The following DGKI variants were observed in gnomAD, a reference collection of about 807,000 sequenced individuals.
DGKI encodes DAG kinase iota.
DGKI carries 55 observed loss-of-function variants against 147.5 expected under a neutral mutation model. That is an observed-to-expected ratio of 0.37 (90% confidence interval 0.30 to 0.47). The LOEUF (loss-of-function observed/expected upper bound fraction) is 0.47, where lower values mean the gene tolerates loss of function less well. Ranked by LOEUF, DGKI falls within the 20% of genes least tolerant of loss-of-function variation. The probability of loss-of-function intolerance (pLI) is 1.00; values close to 1 mark genes in which losing one functional copy is unlikely to be tolerated. For synonymous variants in DGKI, 469 were observed against 477.1 expected (o/e 0.98, Z 0.22); for missense variants, 1,007 against 1,323.8 (o/e 0.76, Z 3.71).
intron 3 of DGKI, among the ~76,000 whole-genome samples, chr7:137,665,140 C>A (rs923844355): frequency 1.3e-5 from 2 of 152,100 alleles, no homozygotes; most frequent in Non-Finnish European, 2.9e-5. Flanking sequence ...TGTTGCAGGT[C>A]GTGGTTAAGA....
At position 137,537,476 on chromosome 7, in the gene DGKI, G is replaced by A. The variant is rs150357073; in HGVS notation, c.2147+14893C>T. Among the ~76,000 whole-genome samples, 71 of 151,888 alleles carry A rather than the reference G, an allele frequency of 4.7e-4. No homozygotes were observed. In the East Asian group the frequency reaches 7.4e-3, roughly 16 times the overall value. On this transcript the variant is annotated intron_variant, in intron 20 of 32. Transcript: ENST00000614521. ...AATACAGAAATAAAAAAAAATTATC[G>A]ATAATCCTACAATTCAGAGATAATC...
At chr7:137,673,218 G>A (rs776427341) in intron 3 of DGKI, among the ~76,000 whole-genome samples, 42 of 152,136 alleles carry the variant, frequency 2.8e-4, no homozygotes, top group Non-Finnish European at 7.3e-5. Flanking sequence ...GAAGTCCTGA[G>A]GCGTCAGGAC....
rs863082 is a variant in DGKI at position 137,571,250 on chromosome 7, A to T, written c.1872T>A (p.Gly624=). 0.09 allele frequency: 145,298 copies of T among 1,612,354 alleles called. 12,589 individuals are homozygous for T. Among genetic ancestry groups the T allele is most frequent in the African/African-American group, 0.41 (30,307 of 74,810 alleles). The change falls in exon 19 of 33, where the codon GGT becomes GGA. Residue 624 remains glycine, a synonymous_variant. Coordinates refer to ENST00000614521, the MANE Select transcript of DGKI (RefSeq NM_001321708.2). ...GCTGAGGTTCGAAATCATGGTGATC[A>T]CCTGGGTTTCCCCAGGGCATTGTGC... ...CAGTMPWGNP[G]DHHDFEPQRH...
intron 20 of DGKI, among the ~76,000 whole-genome samples, chr7:137,546,264 G>A (rs951646837): frequency 7.9e-5 from 12 of 152,064 alleles, no homozygotes; most frequent in African/African-American, 2.4e-4. Context: ...GGGTGTAGGG[G>A]GATGACCATG....
chr7:137,773,838 A>C (rs1796283574), intron 1 of DGKI, among the ~76,000 whole-genome samples: 1 of 152,198 alleles, frequency 6.6e-6, no homozygotes, highest in African/African-American at 2.4e-5. Context: ...TTTATGGATG[A>C]GGAAACTGAG....
At chr7:137,427,237 T>C (rs1350716803) in intron 28 of DGKI, among the ~76,000 whole-genome samples, 1 of 152,102 alleles carries the variant, frequency 6.6e-6, no homozygotes, top group African/African-American at 2.4e-5. Context: ...GAACTCAGGA[T>C]TAAGAAACTC....
At chr7:137,669,488 A>G (rs2116339940) in intron 3 of DGKI, among the ~76,000 whole-genome samples, 1 of 152,360 alleles carries the variant, frequency 6.6e-6, no homozygotes, top group South Asian at 2.1e-4. Flanking sequence ...GGTAACATGT[A>G]AGCCTTATGC....
intron 23 of DGKI, among the ~76,000 whole-genome samples, chr7:137,475,880 C>T (rs1212271877): frequency 6.6e-6 from 1 of 152,032 alleles, no homozygotes; most frequent in African/African-American, 2.4e-5. Flanking sequence ...TTTGAGCCAG[C>T]TGCCAAAAGA....
rs566883888 is a variant in DGKI, at chr7:137,515,614, TACTTG to T, written c.2248+6247_2248+6251del. Among the ~76,000 whole-genome samples the T allele has an allele frequency of 4.5e-4, 68 of 152,316 alleles. 1 individual carries two copies. The South Asian group carries it at 0.014, about 31-fold the overall frequency. Reference sequence around the variant, plus strand: ...CATTTATATGAAAAATAGGAAGTACTACTTGGAGGAAGCAGAAAACACAGTGATTA... The same window carrying T: ...CATTTATATGAAAAATAGGAAGTACTGAGGAAGCAGAAAACACAGTGATTA... On this transcript the variant is annotated intron_variant, in intron 21 of 32. Coordinates refer to ENST00000614521, the MANE Select transcript of DGKI (RefSeq NM_001321708.2).
At chr7:137,810,990 T>G (rs544439653) in intron 1 of DGKI, among the ~76,000 whole-genome samples, 1 of 152,202 alleles carries the variant, frequency 6.6e-6, no homozygotes, top group Admixed American at 6.5e-5. Context: ...AGATGTAGAA[T>G]GGAAATAATC....
intron 3 of DGKI, among the ~76,000 whole-genome samples, chr7:137,671,590 G>A (rs1255698491): frequency 6.6e-6 from 1 of 152,172 alleles, no homozygotes; most frequent in East Asian, 1.9e-4. Flanking sequence ...GATTCTGAGA[G>A]GTAGATTTAA....
At chr7:137,691,284 T>C (rs1332747681) in intron 1 of DGKI, among the ~76,000 whole-genome samples, 1 of 152,192 alleles carries the variant, frequency 6.6e-6, no homozygotes, top group Non-Finnish European at 1.5e-5. Flanking sequence ...AGCAATTGCA[T>C]TATTTACTTT....
rs144227358 is a variant in DGKI, at chr7:137,568,940, C to G, written c.1947+2235G>C. 4.1e-4 allele frequency among the ~76,000 whole-genome samples: 62 copies of G among 150,688 alleles called. No homozygotes were observed. The East Asian group carries it at 0.012, about 28-fold the overall frequency. ...TGTTAGAAAAAAAAAACACCCATAC[C>G]AGAAAAGACTACAAAAAGAACAAGA... On this transcript the variant is annotated intron_variant, in intron 19 of 32. Transcript: ENST00000614521.
intron 1 of DGKI, among the ~76,000 whole-genome samples, chr7:137,817,385 C>T (rs898540992): frequency 6.6e-6 from 1 of 152,146 alleles, no homozygotes; most frequent in Non-Finnish European, 1.5e-5. Flanking sequence ...CAGGATTTTA[C>T]AATTATTTAG....
At chr7:137,446,266 C>A (rs774042173) in intron 27 of DGKI, among the ~76,000 whole-genome samples, 9 of 152,164 alleles carry the variant, frequency 5.9e-5, no homozygotes, top group Non-Finnish European at 8.8e-5. Flanking sequence ...TGCAGTATGT[C>A]CAGGCAGTGG....
At chr7:137,627,238 T>C (rs1454944451) in intron 6 of DGKI, among the ~76,000 whole-genome samples, 1 of 152,222 alleles carries the variant, frequency 6.6e-6, no homozygotes, top group African/African-American at 2.4e-5. Flanking sequence ...CCTCTCCTTG[T>C]ACAGGCTTGC....
intron 1 of DGKI, among the ~76,000 whole-genome samples, chr7:137,833,826 C>T (rs1798288968): frequency 6.6e-6 from 1 of 152,176 alleles, no homozygotes; most frequent in African/African-American, 2.4e-5. Flanking sequence ...GAGAGCCAGG[C>T]ACCTTGATGT....
intron 7 of DGKI, among the ~76,000 whole-genome samples, chr7:137,621,507 A>G (rs187415885): frequency 1.8e-4 from 27 of 152,340 alleles, no homozygotes; most frequent in Admixed American, 7.8e-4. Flanking sequence ...AAAGGGTCAC[A>G]TATTTATTTG....
intron 19 of DGKI, among the ~76,000 whole-genome samples, chr7:137,564,962 C>A (rs1308469930): frequency 6.6e-6 from 1 of 152,224 alleles, no homozygotes; most frequent in Non-Finnish European, 1.5e-5. Context: ...ACTTCTCATC[C>A]AGGAACTCTA....
Sources: allele counts gnomAD v4.1 joint callset (sites outside exome capture counted in the v4.1 genomes callset), GRCh38; gene constraint gnomAD v4.1.1; transcripts MANE v1.5; gene names NCBI Gene and HGNC (gene_info 2026-07-23, HGNC 2026-07-21).